The following SLC25A15 variants were observed in gnomAD, a reference collection of about 807,000 sequenced individuals.
SLC25A15 encodes the protein solute carrier family 25 member 15, also known as mitochondrial ornithine transporter 1.
SLC25A15 carries 24 observed loss-of-function variants against 32.3 expected under a neutral mutation model. The ratio of observed to expected loss-of-function variants is 0.74; its 90% CI spans 0.54 to 1.04. SLC25A15 has a LOEUF of 1.04. SLC25A15 is among the 50% of genes least tolerant of loss of function. The probability of loss-of-function intolerance (pLI) is 0.00; values close to 1 mark genes in which losing one functional copy is unlikely to be tolerated. For synonymous variants in SLC25A15, 132 were observed against 142.1 expected (o/e 0.93, Z 0.51); for missense variants, 317 against 374.5 (o/e 0.85, Z 1.27).
In SLC25A15 at chr13:40,811,341, T is replaced by C. The variant is rs1377718460; in HGVS notation, c.*1674T>C. On this transcript the variant is annotated 3_prime_UTR_variant, in exon 7 of 7. Transcript: ENST00000338625. ...CCATCTCTACTAAAAATACAAAAAT[T>C]AGCTGGGCGTGGTGGCACGTGCCTG... 6.6e-6 allele frequency among the ~76,000 whole-genome samples: 1 copy of C among 151,916 alleles called. No individual in the cohort carries two copies. Among genetic ancestry groups the C allele is most frequent in the East Asian group, 1.9e-4 (1 of 5,174 alleles).
In SLC25A15 at chr13:40,805,274, C is replaced by A. The variant is rs1882128678; in HGVS notation, c.452+19C>A. 2 of 1,613,922 alleles carry A rather than the reference C, an allele frequency of 1.2e-6. No homozygotes were observed. Among genetic ancestry groups the A allele is most frequent in the Non-Finnish European group, 1.7e-6 (2 of 1,179,868 alleles). On this transcript the variant is annotated intron_variant, in intron 4 of 6. Coordinates refer to ENST00000338625, the MANE Select transcript of SLC25A15 (RefSeq NM_014252.4). ...GCCAGAAGTAAGCACCACTTGGGCA[C>A]AAACGTCAGGTCTCTATTGCCCTAG... is the stretch of plus-strand genomic sequence containing the variant.
chr13:40,789,866 G>A (rs1194447491), intron 1 of SLC25A15, among the ~76,000 whole-genome samples: 1 of 152,154 alleles, frequency 6.6e-6, no homozygotes, highest in Non-Finnish European at 1.5e-5. Flanking sequence ...GTGCCCACCT[G>A]GTGGGAACTT....
rs962371435 is a variant in SLC25A15 at position 40,805,016 on chromosome 13, G to C, written c.315-102G>C. The C allele has an allele frequency of 2.8e-6, 4 of 1,416,904 alleles. No homozygotes were observed. In the African/African-American group the frequency reaches 5.6e-5, roughly 20 times the overall value. 87.8% of individuals were successfully genotyped at this position (1,416,904 alleles called of 1,614,324 possible). Reference sequence around the variant, plus strand: ...TGTAATCACAGGTTCATGCCCTCACGCCCGGCTCCTTACCCTGCTTTATCA... The same window carrying C: ...TGTAATCACAGGTTCATGCCCTCACCCCCGGCTCCTTACCCTGCTTTATCA... On this transcript the variant is annotated intron_variant, in intron 3 of 6. Coordinates refer to ENST00000338625, the MANE Select transcript of SLC25A15 (RefSeq NM_014252.4).
At chr13:40,804,475 G>A (rs1379760689) in intron 3 of SLC25A15, among the ~76,000 whole-genome samples, 1 of 152,030 alleles carries the variant, frequency 6.6e-6, no homozygotes, top group Non-Finnish European at 1.5e-5. Context: ...CTGGGGTGCT[G>A]CTGTCTGCTT....
chr13:40,809,986 T>C lies in SLC25A15; in HGVS notation c.*319T>C. 2.7e-6 allele frequency: 1 copy of C among 377,166 alleles called. No homozygotes were observed. Among genetic ancestry groups the C allele is most frequent in the South Asian group, 2.3e-5 (1 of 43,500 alleles). 23.4% of individuals were successfully genotyped at this position (377,166 alleles called of 1,614,324 possible). On this transcript the variant is annotated 3_prime_UTR_variant, in exon 7 of 7. Coordinates refer to ENST00000338625, the MANE Select transcript of SLC25A15 (RefSeq NM_014252.4). Reference sequence around the variant, plus strand: ...GGGCTTTTACGTAAACCTCCACTTGTACATGCAATTTGGACAGTTATGTGT... The same window carrying C: ...GGGCTTTTACGTAAACCTCCACTTGCACATGCAATTTGGACAGTTATGTGT...
chr13:40,804,734 T>C (rs1246396164), intron 3 of SLC25A15, among the ~76,000 whole-genome samples: 2 of 150,934 alleles, frequency 1.3e-5, no homozygotes, highest in Admixed American at 1.3e-4. Context: ...GTATTTTTAG[T>C]AGAGACAGGG....
At position 40,807,331 on chromosome 13, in the gene SLC25A15, G is replaced by T. The variant is rs777014493; in HGVS notation, c.490G>T (p.Asp164Tyr). 17 of 1,613,986 alleles carry T rather than the reference G, an allele frequency of 1.1e-5. No homozygotes were observed. In the South Asian group the frequency reaches 1.8e-4, roughly 17 times the overall value. ...WSVIKSILRK[D>Y]GPLGFYHGLS... ...TGTCATCAAAAGTATTCTTAGGAAA[G>T]ATGGCCCCTTGGGGTTCTACCATGG... The change falls in exon 5 of 7, where the codon GAT becomes TAT. Residue 164 changes from aspartate (D) to tyrosine (Y), a missense_variant. By Grantham distance (160) the Asp-to-Tyr change is radical. Transcript: ENST00000338625.
At chr13:40,799,736 C>G (rs567324762) in intron 3 of SLC25A15, among the ~76,000 whole-genome samples, 1 of 152,344 alleles carries the variant, frequency 6.6e-6, no homozygotes, top group African/African-American at 2.4e-5. Flanking sequence ...TCAGATGCAG[C>G]TGGCAGTGCT....
At chr13:40,793,645 G>C (rs1881582677) in intron 2 of SLC25A15, among the ~76,000 whole-genome samples, 1 of 152,222 alleles carries the variant, frequency 6.6e-6, no homozygotes, top group Admixed American at 6.5e-5. Context: ...AGAAAACCCA[G>C]TTCTCTCTAT....
intron 3 of SLC25A15, among the ~76,000 whole-genome samples, chr13:40,804,196 C>T (rs537284813): frequency 2.6e-4 from 39 of 152,188 alleles, no homozygotes; most frequent in African/African-American, 7.0e-4. Context: ...AGAGAGTGAG[C>T]GAGCTCTCTG....
At chr13:40,808,332 C>G in intron 5 of SLC25A15, 106 bp from the exon 6 acceptor site, 1 of 940,428 alleles carries the variant, frequency 1.1e-6, no homozygotes, top group Non-Finnish European at 1.7e-6. Flanking sequence ...GTAGCATTAG[C>G]ATTTTTATTT....
intron 3 of SLC25A15, among the ~76,000 whole-genome samples, chr13:40,801,125 A>G (rs9549289): frequency 0.12 from 18,676 of 151,456 alleles, 1,553 homozygotes; most frequent in Non-Finnish European, 0.18. Context: ...CCCAGCTACC[A>G]GGGAGGCTGA....
At chr13:40,792,775 A>G (rs952669204) in intron 1 of SLC25A15, among the ~76,000 whole-genome samples, 2 of 152,104 alleles carry the variant, frequency 1.3e-5, no homozygotes, top group Non-Finnish European at 2.9e-5. Flanking sequence ...CCCCTTAGGC[A>G]CCCAGCACAG....
chr13:40,800,191 A>G (rs1352296458), intron 3 of SLC25A15, among the ~76,000 whole-genome samples: 2 of 152,196 alleles, frequency 1.3e-5, no homozygotes, highest in Non-Finnish European at 2.9e-5. Context: ...TGTGCACAGC[A>G]CTGTTCTCTG....
Position 40,803,867 on chromosome 13 carries a change from G to A in SLC25A15, c.315-1251G>A, listed in dbSNP as rs116803670. Among the ~76,000 whole-genome samples, 170 of 152,298 alleles carry A rather than the reference G, an allele frequency of 1.1e-3. 1 individual carries two copies. The highest frequency in any genetic ancestry group is 3.9e-3 in the African/African-American group (164 of 41,574). ...TTGGATTGTGGGCATGTGGGGATAGGCTTAGAACCTAGATTTATTTAAAAC... is the reference window on the plus strand; with the variant it reads ...TTGGATTGTGGGCATGTGGGGATAGACTTAGAACCTAGATTTATTTAAAAC... On this transcript the variant is annotated intron_variant, in intron 3 of 6. Coordinates refer to ENST00000338625, the MANE Select transcript of SLC25A15 (RefSeq NM_014252.4).
intron 2 of SLC25A15, among the ~76,000 whole-genome samples, chr13:40,794,340 CAA>C (rs148747444): frequency 4.2e-4 from 37 of 87,766 alleles, no homozygotes; most frequent in Admixed American, 7.4e-4. Context: ...AACTCTGTCT[CAA>C]AAAAAAAAAA....
intron 1 of SLC25A15, among the ~76,000 whole-genome samples, chr13:40,791,072 A>G (rs1336551420): frequency 6.6e-6 from 1 of 151,876 alleles, no homozygotes; most frequent in Non-Finnish European, 1.5e-5. Flanking sequence ...CTGTCTGCTC[A>G]GTTGCCCCCG....
rs936806358 is a variant in SLC25A15 at position 40,805,163 on chromosome 13, T to C, written c.360T>C (p.Ala120=). ...AAAGSFASAF[A]ALVLCPTELV... The stretch of plus-strand genomic sequence containing the variant: ...CCGGTTCCTTCGCCTCTGCCTTTGC[T>C]GCACTGGTGCTCTGCCCCACGGAGC... The change falls in exon 4 of 7, where the codon GCT becomes GCC. Residue 120 remains alanine (A), a synonymous_variant. Coordinates refer to ENST00000338625, the MANE Select transcript of SLC25A15 (RefSeq NM_014252.4). The C allele has an allele frequency of 6.2e-7, 1 of 1,614,220 alleles. No homozygotes were observed. The highest frequency in any genetic ancestry group is 8.5e-7 in the Non-Finnish European group (1 of 1,180,038).
rs750171185 is a variant in SLC25A15 at position 40,807,382 on chromosome 13, G to C, written c.541G>C (p.Val181Leu). ...HGLSSTLLRE[V>L]PGYFFFFGGY... ...ACTCTCAAGCACTTTACTTCGAGAAGTACCAGGCTATTTCTTCTTCTTCGG... is the reference window on the plus strand; with the variant it reads ...ACTCTCAAGCACTTTACTTCGAGAACTACCAGGCTATTTCTTCTTCTTCGG... Residue 181 changes from valine to leucine, a missense_variant, in exon 5 of 7, where the codon GTA becomes CTA. By Grantham distance (32) the Val-to-Leu change is conservative. Transcript: ENST00000338625. 5.0e-6 allele frequency: 8 copies of C among 1,614,160 alleles called. No individual in the cohort carries two copies. The highest frequency in any genetic ancestry group is 5.9e-6 in the Non-Finnish European group (7 of 1,180,010).
Sources: gnomAD v4.1 joint callset for allele counts (sites outside exome capture counted in the v4.1 genomes callset) on GRCh38, gnomAD v4.1.1 for gene constraint, MANE v1.5 for transcripts, NCBI Gene and HGNC (gene_info 2026-07-23, HGNC 2026-07-21) for gene names.